ZNF761: variants seen among roughly 807,000 people sequenced by gnomAD.
ZNF761 encodes the protein zinc finger protein 761.
A neutral mutation model predicts 59.9 loss-of-function variants in ZNF761; 43 were observed. The observed-to-expected ratio is 0.72, with a 90% CI of 0.56 to 0.92. The LOEUF (loss-of-function observed/expected upper bound fraction) is 0.92. ZNF761 is among the 40% of genes least tolerant of loss of function. ZNF761 has a pLI of 0.00. For synonymous variants in ZNF761, 294 were observed against 304.8 expected (o/e 0.96, Z 0.37); for missense variants, 850 against 906.1 (o/e 0.94, Z 0.79).
At position 53,454,932 on chromosome 19, in the gene ZNF761, C is replaced by T. The variant is rs1250427658; in HGVS notation, c.425C>T (p.Ser142Leu). ...AAGCCTATTAAAGATCAGCTTGGAT[C>T]AAGCTTTCATTCGCATCTGCCTGAA... Reference protein sequence around the residue: ...RNKPIKDQLGSSFHSHLPEMH... With the variant: ...RNKPIKDQLGLSFHSHLPEMH... Residue 142 changes from serine to leucine, a missense_variant, in exon 5 of 5, where the codon TCA (serine) becomes TTA (leucine). Coordinates refer to ENST00000684525, the MANE Select transcript of ZNF761 (RefSeq NM_001289951.2). 6.2e-7 allele frequency: 1 copy of T among 1,614,138 alleles called. No homozygotes were observed. Among genetic ancestry groups the T allele is most frequent in the Admixed American group, 1.7e-5 (1 of 60,002 alleles).
Position 53,455,358 on chromosome 19 carries a change from C to A in ZNF761, c.851C>A (p.Ser284Tyr). Residue 284 changes from serine to tyrosine, a missense_variant, in exon 5 of 5, where the codon TCC becomes TAC. By Grantham distance (144) the Ser-to-Tyr change is moderately radical. Transcript: ENST00000684525. ...GGCAAGACCTTCAGTCAGACGTCAT[C>A]CCTTACATGCCATCGTAGACTTCAT... Reference protein sequence around the residue: ...ECGKTFSQTSSLTCHRRLHTG... With the variant: ...ECGKTFSQTSYLTCHRRLHTG... The A allele has an allele frequency of 2.5e-6, 4 of 1,613,986 alleles. No homozygotes were observed. Among genetic ancestry groups the A allele is most frequent in the Non-Finnish European group, 3.4e-6 (4 of 1,179,980 alleles).
chr19:53,453,974 T>C (rs1004397695), intron 4 of ZNF761, among the ~76,000 whole-genome samples: 4 of 152,118 alleles, frequency 2.6e-5, no homozygotes, highest in Non-Finnish European at 5.9e-5. Flanking sequence ...AAACATTGTA[T>C]TAACTTTTTT....
Position 53,440,701 on chromosome 19 carries a change from A to T in ZNF761, c.-184-5526A>T, listed in dbSNP as rs531392525. Among the ~76,000 whole-genome samples, 10 of 34,584 alleles carry T rather than the reference A, an allele frequency of 2.9e-4. No individual in the cohort carries two copies. The South Asian group carries it at 0.01, about 35-fold the overall frequency. The allele number at this position is 34,584 out of a possible 152,430, so 22.7% of individuals were successfully genotyped here. ...ATTAATTAATAATTAGTATTTTGAG[A>T]CAGGGCTGGCTCTATCGCCCAGGAT... On this transcript the variant is annotated intron_variant, in intron 1 of 4. Coordinates refer to ENST00000684525, the MANE Select transcript of ZNF761 (RefSeq NM_001289951.2).
At chr19:53,447,796 G>T (rs1466128935) in intron 3 of ZNF761, among the ~76,000 whole-genome samples, 1 of 152,084 alleles carries the variant, frequency 6.6e-6, no homozygotes, top group African/African-American at 2.4e-5. Context: ...AATTAGAATG[G>T]AAAGTTCATA....
rs1169945693 is a variant in ZNF761 at position 53,455,989 on chromosome 19, C to A, written c.1482C>A (p.Tyr494Ter). The A allele has an allele frequency of 1.2e-6, 2 of 1,613,592 alleles. No homozygotes were observed. Among genetic ancestry groups the A allele is most frequent in the South Asian group, 2.2e-5 (2 of 91,040 alleles). The stretch of plus-strand genomic sequence containing the variant: ...GAATTCATACTGGAGAGAAACCATA[C>A]AAGTGTAATGAGTGTGGCAAGACCT... ...HRRIHTGEKPYKCNECGKTFS... is the reference protein window; with the variant it reads ...HRRIHTGEKP Residue 494 changes from tyrosine (Y) to a stop codon, truncating the protein, a stop_gained, in exon 5 of 5, where the codon TAC becomes TAA. Transcript: ENST00000684525. LOFTEE classifies it high-confidence loss of function.
At chr19:53,448,635 G>A (rs1276191884) in intron 3 of ZNF761, among the ~76,000 whole-genome samples, 2 of 151,948 alleles carry the variant, frequency 1.3e-5, no homozygotes, top group Non-Finnish European at 1.5e-5. Context: ...TTTGAGACTG[G>A]GTCTCACTGT....
chr19:53,433,627 T>G (rs1397709303), intron 1 of ZNF761, among the ~76,000 whole-genome samples: 1 of 152,214 alleles, frequency 6.6e-6, no homozygotes, highest in Non-Finnish European at 1.5e-5. Context: ...CTAGAAGACA[T>G]CACTATTACT....
In ZNF761 at chr19:53,457,338, CTG is replaced by C. The variant is rs2086281537; in HGVS notation, c.*593_*594del. 1 of 402,366 alleles carries C rather than the reference CTG, an allele frequency of 2.5e-6. No homozygotes were observed. Among genetic ancestry groups the C allele is most frequent in the Non-Finnish European group, 5.0e-6 (1 of 198,458 alleles). The allele number at this position is 402,366 out of a possible 1,614,324, so 24.9% of individuals were successfully genotyped here. The stretch of plus-strand genomic sequence containing the variant: ...GAGAGAAACCTTACAAATGTCATGA[CTG>C]TGGCAAGGTCTTCAGTCAAGCTTCA... On this transcript the variant is annotated 3_prime_UTR_variant, in exon 5 of 5. Transcript: ENST00000684525.
In ZNF761 at chr19:53,456,336, A is replaced by C; in HGVS notation, c.1829A>C (p.Glu610Ala). The stretch of plus-strand genomic sequence containing the variant: ...GAAGAGAATCCTTACAAGTGTAATG[A>C]GTGTGGCAAGACCTTCAGTCGGACG... ...HTEENPYKCN[E>A]CGKTFSRTSS... The change falls in exon 5 of 5, where the codon GAG becomes GCG. Residue 610 changes from glutamate (E) to alanine (A), a missense_variant. Glu to Ala is a moderately radical substitution (Grantham distance 107). Coordinates refer to ENST00000684525, the MANE Select transcript of ZNF761 (RefSeq NM_001289951.2). 6.2e-7 allele frequency: 1 copy of C among 1,611,344 alleles called. No individual in the cohort carries two copies. Among genetic ancestry groups the C allele is most frequent in the Admixed American group, 1.7e-5 (1 of 59,820 alleles).
rs139734047 is a variant in ZNF761, at chr19:53,439,012, G to A, written c.-185+6984G>A. On this transcript the variant is annotated intron_variant, in intron 1 of 4. Transcript: ENST00000684525. ...GAGAGAACGGGGCATGGTGGTTTGC[G>A]CCTCTCATCCCAACACTTTGGGCGG... is the stretch of plus-strand genomic sequence containing the variant. Among the ~76,000 whole-genome samples, 7 of 152,028 alleles carry A rather than the reference G, an allele frequency of 4.6e-5. No individual in the cohort carries two copies. In the South Asian group the frequency reaches 6.2e-4, roughly 13 times the overall value.
intron 4 of ZNF761, chr19:53,450,123 T>A (rs2086206063): frequency 3.8e-6 from 1 of 263,430 alleles, no homozygotes; most frequent in Non-Finnish European, 7.2e-6. Flanking sequence ...GCCAACATGG[T>A]GAAACCCCGT....
At chr19:53,437,073 T>C (rs188351412) in intron 1 of ZNF761, among the ~76,000 whole-genome samples, 1 of 152,056 alleles carries the variant, frequency 6.6e-6, no homozygotes, top group Non-Finnish European at 1.5e-5. Flanking sequence ...ATCCCAGTAC[T>C]TTGGGAGGCT....
intron 1 of ZNF761, among the ~76,000 whole-genome samples, chr19:53,436,946 C>T (rs955865727): frequency 1.3e-5 from 2 of 152,166 alleles, no homozygotes; most frequent in African/African-American, 2.4e-5. Flanking sequence ...GGGCCCCTGT[C>T]GTGGGTTATT....
In ZNF761 at chr19:53,449,650, T is replaced by G. The variant is rs1457786373; in HGVS notation, c.142+12T>G. The G allele has an allele frequency of 6.2e-7, 1 of 1,601,126 alleles. No individual in the cohort carries two copies. The highest frequency in any genetic ancestry group is 2.2e-5 in the East Asian group (1 of 44,808). ...CCTGGTCTCCCTGGGTGAGGATAAC[T>G]TCCCTCCAGAAGTGGGAATGTGCCC... On this transcript the variant is annotated intron_variant, in intron 4 of 4. Coordinates refer to ENST00000684525, the MANE Select transcript of ZNF761 (RefSeq NM_001289951.2).
chr19:53,443,857 A>C (rs2086126063), intron 1 of ZNF761: 1 of 152,544 alleles, frequency 6.6e-6, no homozygotes, highest in Non-Finnish European at 1.5e-5. Flanking sequence ...TTTGTTCTGT[A>C]CTAAGAAAAA....
chr19:53,454,573 T>G (rs1156766055), intron 4 of ZNF761, 77 bp from the exon 5 acceptor site: 1 of 1,406,600 alleles, frequency 7.1e-7, no homozygotes, highest in Non-Finnish European at 9.5e-7. Context: ...TATTGTTTTT[T>G]GTGTCGTATT....
At chr19:53,435,014 G>A (rs1416472162) in intron 1 of ZNF761, among the ~76,000 whole-genome samples, 3 of 152,126 alleles carry the variant, frequency 2.0e-5, no homozygotes, top group East Asian at 1.9e-4. Context: ...GTGGAGACAC[G>A]TATGGGGTAA....
intron 4 of ZNF761, among the ~76,000 whole-genome samples, chr19:53,453,182 T>G (rs2086235745): frequency 6.6e-6 from 1 of 152,132 alleles, no homozygotes; most frequent in Admixed American, 6.6e-5. Context: ...TTTTGTATTT[T>G]TAGTAGAGTT....
chr19:53,442,959 A>G, intron 1 of ZNF761: 1 of 311,820 alleles, frequency 3.2e-6, no homozygotes, highest in Non-Finnish European at 6.2e-6. Context: ...TTTCTGTACA[A>G]GTATATTTTC....
Sources: gnomAD v4.1 joint callset for allele counts (sites outside exome capture counted in the v4.1 genomes callset) on GRCh38, gnomAD v4.1.1 for gene constraint, MANE v1.5 for transcripts, NCBI Gene and HGNC (gene_info 2026-07-23, HGNC 2026-07-21) for gene names.